SGCD: variants seen among roughly 807,000 people sequenced by gnomAD.
The protein encoded by SGCD is delta-sarcoglycan.
A neutral mutation model predicts 36.6 loss-of-function variants in SGCD; 18 were observed. That is an observed-to-expected ratio of 0.49 (90% CI 0.34 to 0.73). The LOEUF (loss-of-function observed/expected upper bound fraction) is 0.73, where lower values mean the gene tolerates loss of function less well. SGCD is among the 30% of genes least tolerant of loss of function. The pLI, the probability that SGCD is intolerant of heterozygous loss-of-function variation, is 0.01. For synonymous variants in SGCD, 133 were observed against 130.6 expected, an observed-to-expected ratio of 1.02 and a Z score of -0.12; for missense variants, 387 against 346.7, an observed-to-expected ratio of 1.12 and a Z score of -0.92.
chr5:156,758,089 CAT>C (rs1465778988), intron 8 of SGCD: 3 of 817,068 alleles, frequency 3.7e-6, no homozygotes, highest in Non-Finnish European at 4.5e-6. Flanking sequence ...CTTTGTGTCA[CAT>C]GTTTCTGTTT....
chr5:156,289,325 C>T (rs546863151), intron 3 of SGCD, among the ~76,000 whole-genome samples: 116 of 151,938 alleles, frequency 7.6e-4, no homozygotes, highest in Admixed American at 2.3e-3. Context: ...TTTTAAGTTC[C>T]GGGATACACG....
At chr5:156,404,762 T>A (rs1371378880) in intron 3 of SGCD, among the ~76,000 whole-genome samples, 1 of 152,202 alleles carries the variant, frequency 6.6e-6, no homozygotes, top group Non-Finnish European at 1.5e-5. Context: ...TTAAAATATA[T>A]CCTTTAAAAT....
At chr5:156,088,053 C>A (rs1761146058) in intron 1 of SGCD, among the ~76,000 whole-genome samples, 1 of 152,122 alleles carries the variant, frequency 6.6e-6, no homozygotes, top group African/African-American at 2.4e-5. Context: ...TGCAGCCATC[C>A]CCCTTTCCCA....
chr5:155,740,575 C>A, the SGCD span, among the ~76,000 whole-genome samples: 2 of 152,146 alleles, frequency 1.3e-5, no homozygotes, highest in African/African-American at 4.8e-5. Flanking sequence ...TCAATCTTAG[C>A]TCATCAAGGC....
chr5:156,378,497 A>G (rs2312062), intron 3 of SGCD, among the ~76,000 whole-genome samples: 61,659 of 151,972 alleles, frequency 0.41, 13,424 homozygotes, highest in East Asian at 0.78. Flanking sequence ...TATGTTGTGT[A>G]TTTTACCACA....
chr5:156,597,296 C>T (rs1760967072), intron 6 of SGCD, among the ~76,000 whole-genome samples: 1 of 151,954 alleles, frequency 6.6e-6, no homozygotes, highest in Non-Finnish European at 1.5e-5. Flanking sequence ...TCTGTTCTCA[C>T]CCTGCTAATA....
chr5:156,743,912 C>T lies in SGCD; in HGVS notation c.576-13669C>T, dbSNP rs1756819392. ...TATATAATTAGAGAAGATTATGTTCCTTCTTCCTATTTTCTGGTGCTTATT... is the reference window on the plus strand; with the variant it reads ...TATATAATTAGAGAAGATTATGTTCTTTCTTCCTATTTTCTGGTGCTTATT... On this transcript the variant is annotated intron_variant, in intron 7 of 8. Transcript: ENST00000337851. 3.3e-5 allele frequency among the ~76,000 whole-genome samples: 5 copies of T among 150,264 alleles called. No individual in the cohort carries two copies. In the South Asian group the frequency reaches 8.3e-4, roughly 25 times the overall value.
chr5:156,118,969 C>T (rs1371268584), intron 2 of SGCD, among the ~76,000 whole-genome samples: 2 of 152,094 alleles, frequency 1.3e-5, no homozygotes, highest in Non-Finnish European at 2.9e-5. Flanking sequence ...TGTTTTATAG[C>T]CCCTACTTTG....
the SGCD span, among the ~76,000 whole-genome samples, chr5:155,794,188 G>A: frequency 2.0e-5 from 3 of 152,208 alleles, no homozygotes; most frequent in South Asian, 2.1e-4. Context: ...AAGCAGATCA[G>A]TCTCTGGTAA....
At chr5:156,625,666 A>C (rs1405837361) in intron 6 of SGCD, among the ~76,000 whole-genome samples, 1 of 152,178 alleles carries the variant, frequency 6.6e-6, no homozygotes, top group Non-Finnish European at 1.5e-5. Context: ...GTCCCAGGTG[A>C]GGCTCCCTGT....
At chr5:155,774,615 C>T in the SGCD span, among the ~76,000 whole-genome samples, 91 of 152,128 alleles carry the variant, frequency 6.0e-4, no homozygotes, top group African/African-American at 1.9e-3. Context: ...GCTCATAGCC[C>T]CTTCCTCCAT....
intron 4 of SGCD, among the ~76,000 whole-genome samples, chr5:156,556,457 G>A (rs1759025415): frequency 6.6e-6 from 1 of 151,986 alleles, no homozygotes; most frequent in South Asian, 2.1e-4. Context: ...TCTATCCTTT[G>A]TTTACAACAG....
intron 1 of SGCD, among the ~76,000 whole-genome samples, chr5:156,108,669 G>C (rs184593566): frequency 1.3e-5 from 2 of 152,150 alleles, no homozygotes; most frequent in African/African-American, 2.4e-5. Context: ...TTTCTATCAA[G>C]TCTTACTGGC....
At chr5:155,965,139 A>C (rs1192485866) in intron 1 of SGCD, among the ~76,000 whole-genome samples, 1 of 152,124 alleles carries the variant, frequency 6.6e-6, no homozygotes, top group East Asian at 1.9e-4. Flanking sequence ...TGCCCTGTAC[A>C]CAAAGAGGGT....
chr5:156,552,942 TG>T (rs1357863321), intron 4 of SGCD, among the ~76,000 whole-genome samples: 7 of 152,268 alleles, frequency 4.6e-5, no homozygotes, highest in Non-Finnish European at 1.0e-4. Flanking sequence ...TACCTAAGGC[TG>T]GGTAATTTAT....
intron 1 of SGCD, among the ~76,000 whole-genome samples, chr5:156,114,002 G>C (rs553031753): frequency 6.6e-6 from 1 of 152,170 alleles, no homozygotes; most frequent in African/African-American, 2.4e-5. Flanking sequence ...TGTGGGGAGG[G>C]AGGGATAAAT....
intron 1 of SGCD, among the ~76,000 whole-genome samples, chr5:155,950,873 C>T (rs2113429846): frequency 6.6e-6 from 1 of 152,304 alleles, no homozygotes; most frequent in South Asian, 2.1e-4. Context: ...GAAACCCTCT[C>T]ACCTAAAAAT....
intron 4 of SGCD, among the ~76,000 whole-genome samples, chr5:156,513,706 G>T (rs574895731): frequency 3.3e-5 from 5 of 152,304 alleles, no homozygotes; most frequent in South Asian, 2.1e-4. Flanking sequence ...ATTACTGAAG[G>T]TTGCAACCCT....
At chr5:155,825,937 T>C in the SGCD span, among the ~76,000 whole-genome samples, 1 of 151,900 alleles carries the variant, frequency 6.6e-6, no homozygotes, top group Admixed American at 6.6e-5. Flanking sequence ...TTAGTAGAGA[T>C]GGGGGTTTCA....
Sources: allele counts gnomAD v4.1 joint callset (sites outside exome capture counted in the v4.1 genomes callset), GRCh38; gene constraint gnomAD v4.1.1; transcripts MANE v1.5; gene names NCBI Gene and HGNC (gene_info 2026-07-23, HGNC 2026-07-21).